CDH18: variants seen among roughly 807,000 people sequenced by gnomAD.
CDH18 encodes the protein cadherin-18.
A neutral mutation model predicts 67.9 loss-of-function variants in CDH18; 31 were observed. That is an observed-to-expected ratio of 0.46 (90% CI 0.34 to 0.62). The LOEUF (loss-of-function observed/expected upper bound fraction) is 0.62. Among genes scored for constraint, CDH18 ranks in the 20% least tolerant of loss-of-function variants. CDH18 has a pLI of 0.01. For missense variants in CDH18, 890 were observed against 975.5 expected (o/e 0.91, Z 1.17); for synonymous variants, 362 against 347.2 (o/e 1.04, Z -0.48).
intron 6 of CDH18, among the ~76,000 whole-genome samples, chr5:19,599,773 A>T (rs1746769935): frequency 6.6e-6 from 1 of 152,044 alleles, no homozygotes; most frequent in Admixed American, 6.6e-5. Context: ...ATGGTGGTGG[A>T]AGATGCCTGT....
At chr5:20,079,542 C>T (rs1744262590) in intron 2 of CDH18, among the ~76,000 whole-genome samples, 1 of 152,110 alleles carries the variant, frequency 6.6e-6, no homozygotes, top group African/African-American at 2.4e-5. Context: ...ACTTCCTTGG[C>T]ATACTGATTG....
intron 8 of CDH18, among the ~76,000 whole-genome samples, chr5:19,567,254 G>A (rs1041396629): frequency 7.2e-5 from 11 of 152,084 alleles, no homozygotes; most frequent in African/African-American, 2.4e-4. Context: ...CTTGTTTAGA[G>A]TTGAAACAGA....
At chr5:20,240,676 A>G (rs1285527240) in intron 2 of CDH18, among the ~76,000 whole-genome samples, 1 of 152,226 alleles carries the variant, frequency 6.6e-6, no homozygotes, top group Non-Finnish European at 1.5e-5. Flanking sequence ...TCTTGAATCT[A>G]TTTTAATATC....
At chr5:19,589,552 G>A (rs1744751243) in intron 7 of CDH18, among the ~76,000 whole-genome samples, 2 of 152,056 alleles carry the variant, frequency 1.3e-5, no homozygotes, top group African/African-American at 2.4e-5. Flanking sequence ...CCAACTCTGT[G>A]TCAGAAAAAA....
chr5:20,294,398 A>G (rs1747330742), intron 1 of CDH18, among the ~76,000 whole-genome samples: 1 of 152,120 alleles, frequency 6.6e-6, no homozygotes, highest in South Asian at 2.1e-4. Flanking sequence ...CCACAAATAT[A>G]TGCTGTTTGT....
chr5:19,640,767 C>T (rs1464147113), intron 5 of CDH18, among the ~76,000 whole-genome samples: 2 of 151,842 alleles, frequency 1.3e-5, no homozygotes, highest in Admixed American at 6.6e-5. Flanking sequence ...AACAGTATAA[C>T]ATTAAGCCTC....
chr5:19,970,406 T>A (rs1379212137), intron 2 of CDH18, among the ~76,000 whole-genome samples: 1 of 151,654 alleles, frequency 6.6e-6, no homozygotes, highest in African/African-American at 2.4e-5. Context: ...AGAGAGGATA[T>A]CCTTCTGTTC....
At chr5:20,432,334 T>C (rs143894546) in intron 1 of CDH18, among the ~76,000 whole-genome samples, 77 of 152,246 alleles carry the variant, frequency 5.1e-4, no homozygotes, top group Non-Finnish European at 1.0e-3. Flanking sequence ...AGAATGATAA[T>C]GTGATTGTCA....
chr5:19,988,261 C>T (rs1799764619), upstream of CDH18: 1 of 152,264 alleles, frequency 6.6e-6, no homozygotes, highest in Non-Finnish European at 1.5e-5. Flanking sequence ...CCCGAGCGCG[C>T]CTCTGATTGG....
At chr5:20,152,934 G>A (rs1482967968) in intron 2 of CDH18, among the ~76,000 whole-genome samples, 1 of 145,570 alleles carries the variant, frequency 6.9e-6, no homozygotes, top group Non-Finnish European at 1.5e-5. Context: ...AACTAAGGAT[G>A]AGGAATTTTT....
intron 8 of CDH18, among the ~76,000 whole-genome samples, chr5:19,545,827 C>T (rs1339559411): frequency 6.6e-6 from 1 of 152,128 alleles, no homozygotes; most frequent in Non-Finnish European, 1.5e-5. Flanking sequence ...ATTCAATTGT[C>T]CTTTCTAAAT....
rs143122257 is a variant in CDH18, at chr5:19,725,816, G to T, written c.524-4350C>A. Among the ~76,000 whole-genome samples the T allele has an allele frequency of 1.3e-3, 196 of 152,232 alleles. 1 individual carries two copies. Among genetic ancestry groups the T allele is most frequent in the African/African-American group, 4.6e-3 (190 of 41,552 alleles). On this transcript the variant is annotated intron_variant, in intron 4 of 12. Transcript: ENST00000382275. Reference sequence around the variant, plus strand: ...CTTTCTTTGATCTGATAAGAGGAGTGTTAACAGTTCTAGGCACATAGAGAT... The same window carrying T: ...CTTTCTTTGATCTGATAAGAGGAGTTTTAACAGTTCTAGGCACATAGAGAT...
intron 1 of CDH18, among the ~76,000 whole-genome samples, chr5:20,295,738 A>T (rs932217463): frequency 1.3e-5 from 2 of 152,040 alleles, no homozygotes; most frequent in Admixed American, 6.6e-5. Flanking sequence ...AAAAAAAAAA[A>T]ATTCTAAGAA....
intron 5 of CDH18, among the ~76,000 whole-genome samples, chr5:19,641,143 A>T (rs13153117): frequency 1.4e-4 from 6 of 43,422 alleles, no homozygotes; most frequent in African/African-American, 3.1e-4. Context: ...TAAATTTTTC[A>T]AAAAAAAAAA....
intron 1 of CDH18, among the ~76,000 whole-genome samples, chr5:20,499,627 A>C (rs1278297359): frequency 6.6e-6 from 1 of 152,140 alleles, no homozygotes; most frequent in Non-Finnish European, 1.5e-5. Flanking sequence ...TAATGCTCAG[A>C]GTCAGTGAAG....
chr5:20,180,572 C>T (rs1737606156), intron 2 of CDH18, among the ~76,000 whole-genome samples: 1 of 152,192 alleles, frequency 6.6e-6, no homozygotes, highest in Non-Finnish European at 1.5e-5. Flanking sequence ...CGTACTTCTA[C>T]ACACAAATGT....
chr5:20,355,986 A>C (rs1279162698), intron 1 of CDH18, among the ~76,000 whole-genome samples: 1 of 152,248 alleles, frequency 6.6e-6, no homozygotes, highest in Non-Finnish European at 1.5e-5. Flanking sequence ...TAAATACAAA[A>C]TATACTTTAT....
At chr5:20,469,828 T>A (rs746303291) in intron 1 of CDH18, among the ~76,000 whole-genome samples, 1 of 152,162 alleles carries the variant, frequency 6.6e-6, no homozygotes, top group South Asian at 2.1e-4. Context: ...TTCGTGGCAT[T>A]TTTAGCTCCT....
intron 3 of CDH18, among the ~76,000 whole-genome samples, chr5:19,816,340 A>C (rs931919906): frequency 2.0e-5 from 3 of 151,862 alleles, no homozygotes; most frequent in African/African-American, 7.2e-5. Context: ...TCAGTTAAAA[A>C]CATCATCAAT....
Sources: allele counts gnomAD v4.1 joint callset (sites outside exome capture counted in the v4.1 genomes callset), GRCh38; gene constraint gnomAD v4.1.1; transcripts MANE v1.5; gene names NCBI Gene and HGNC (gene_info 2026-07-23, HGNC 2026-07-21).